The following RARB variants were observed in gnomAD, a reference collection of about 807,000 sequenced individuals.
RARB encodes retinoic acid receptor beta.
A neutral mutation model predicts 51.9 loss-of-function variants in RARB; 17 were observed. That is an observed-to-expected ratio of 0.33 (90% CI 0.22 to 0.49). The LOEUF (loss-of-function observed/expected upper bound fraction) is 0.49, where lower values mean the gene tolerates loss of function less well. Ranked by LOEUF, RARB falls within the 20% of genes least tolerant of loss-of-function variation. The pLI is 0.99. For missense variants in RARB, 369 were observed against 550.8 expected, an observed-to-expected ratio of 0.67 and a Z score of 3.30; for synonymous variants, 215 against 195.4, an observed-to-expected ratio of 1.10 and a Z score of -0.84.
At chr3:25,554,141 A>G (rs1034281662) in intron 3 of RARB, among the ~76,000 whole-genome samples, 13 of 150,630 alleles carry the variant, frequency 8.6e-5, no homozygotes, top group Non-Finnish European at 5.9e-5. Flanking sequence ...GGATTTCCCG[A>G]GAGAAAGTAT....
chr3:24,965,708 G>C (rs6550928), intron 2 of RARB, among the ~76,000 whole-genome samples: 2 of 152,098 alleles, frequency 1.3e-5, no homozygotes, highest in African/African-American at 4.8e-5. Flanking sequence ...ATGAAATGTT[G>C]AGAGGATGCC....
intron 2 of RARB, among the ~76,000 whole-genome samples, chr3:24,930,148 C>T (rs1230952485): frequency 6.6e-6 from 1 of 152,036 alleles, no homozygotes; most frequent in Non-Finnish European, 1.5e-5. Context: ...AAAGTAGAAA[C>T]AGGTCTATTA....
chr3:25,386,322 C>T (rs137994992), intron 5 of RARB, among the ~76,000 whole-genome samples: 205 of 152,080 alleles, frequency 1.3e-3, no homozygotes, highest in African/African-American at 4.2e-3. Context: ...GGGTGGGTCA[C>T]GCTGAGAAAT....
At chr3:25,341,245 T>G (rs1403043466) in intron 5 of RARB, among the ~76,000 whole-genome samples, 1 of 152,134 alleles carries the variant, frequency 6.6e-6, no homozygotes, top group African/African-American at 2.4e-5. Flanking sequence ...TCTGGAGTGC[T>G]CAAAAGAAAG....
intron 2 of RARB, among the ~76,000 whole-genome samples, chr3:24,957,161 C>T (rs1206037441): frequency 1.3e-5 from 2 of 152,100 alleles, no homozygotes; most frequent in Non-Finnish European, 2.9e-5. Context: ...CTAATGAGTG[C>T]CTCACTTCTG....
At chr3:25,069,180 C>A (rs1314994072) in intron 3 of RARB, among the ~76,000 whole-genome samples, 1 of 151,354 alleles carries the variant, frequency 6.6e-6, no homozygotes, top group Non-Finnish European at 1.5e-5. Context: ...AGAAAGCAAG[C>A]AATTAGGCTA....
intron 2 of RARB, among the ~76,000 whole-genome samples, chr3:24,881,949 A>G (rs1466260405): frequency 2.0e-5 from 3 of 152,172 alleles, no homozygotes; most frequent in African/African-American, 7.2e-5. Context: ...TCTTGGGAAA[A>G]CAGTTTTATG....
intron 5 of RARB, among the ~76,000 whole-genome samples, chr3:25,181,939 G>C (rs1471331061): frequency 6.6e-6 from 1 of 152,106 alleles, no homozygotes; most frequent in Non-Finnish European, 1.5e-5. Context: ...TCTGCATAGA[G>C]GGGCAAGCAT....
intron 4 of RARB, among the ~76,000 whole-genome samples, chr3:25,167,931 A>T (rs373159655): frequency 6.6e-6 from 1 of 152,226 alleles, no homozygotes; most frequent in African/African-American, 2.4e-5. Context: ...AAGAGTCCCA[A>T]ATAAAAAGCC....
At chr3:25,302,418 T>G (rs1287796388) in intron 5 of RARB, among the ~76,000 whole-genome samples, 3 of 152,196 alleles carry the variant, frequency 2.0e-5, no homozygotes, top group Non-Finnish European at 4.4e-5. Flanking sequence ...AATGGAATAT[T>G]ATTCAGCCAT....
intron 2 of RARB, among the ~76,000 whole-genome samples, chr3:25,038,614 C>T (rs1407458475): frequency 2.6e-5 from 4 of 152,106 alleles, no homozygotes; most frequent in East Asian, 1.9e-4. Context: ...TGCAATTTAG[C>T]ACACACAGTT....
chr3:24,992,583 T>C (rs188447383), intron 2 of RARB, among the ~76,000 whole-genome samples: 1 of 152,326 alleles, frequency 6.6e-6, no homozygotes, highest in East Asian at 1.9e-4. Flanking sequence ...ATGGCTTAAA[T>C]GGCAGAAAAG....
intron 5 of RARB, among the ~76,000 whole-genome samples, chr3:25,295,109 G>A (rs1194520649): frequency 1.3e-5 from 2 of 152,122 alleles, no homozygotes; most frequent in East Asian, 3.9e-4. Flanking sequence ...ATGCTAGAGG[G>A]GCAACATGGT....
chr3:24,960,464 C>T (rs1696114506), intron 2 of RARB, among the ~76,000 whole-genome samples: 2 of 152,182 alleles, frequency 1.3e-5, no homozygotes, highest in South Asian at 4.1e-4. Context: ...AGCAGACATC[C>T]TGCCAGTTTG....
intron 2 of RARB, among the ~76,000 whole-genome samples, chr3:24,974,487 C>T (rs1259176460): frequency 1.3e-5 from 2 of 152,000 alleles, no homozygotes; most frequent in African/African-American, 4.8e-5. Context: ...GTTCCGATGT[C>T]ATGGATGTTA....
intron 4 of RARB, among the ~76,000 whole-genome samples, chr3:25,168,027 T>C (rs1211811840): frequency 6.6e-6 from 1 of 152,164 alleles, no homozygotes; most frequent in Non-Finnish European, 1.5e-5. Context: ...TTTGACAAGG[T>C]TCAGCCATGG....
At chr3:25,496,170 G>GTA (rs1425149063) in intron 2 of RARB, among the ~76,000 whole-genome samples, 1 of 152,162 alleles carries the variant, frequency 6.6e-6, no homozygotes, top group East Asian at 1.9e-4. Context: ...AATTACAATT[G>GTA]ACTAACAGTT....
At chr3:24,989,230 G>A (rs115905529) in intron 2 of RARB, among the ~76,000 whole-genome samples, 429 of 152,282 alleles carry the variant, frequency 2.8e-3, no homozygotes, top group African/African-American at 9.7e-3. Flanking sequence ...AATCTATGTG[G>A]CAGGAATGCG....
At chr3:25,313,971 T>G (rs766154272) in intron 5 of RARB, among the ~76,000 whole-genome samples, 3 of 152,028 alleles carry the variant, frequency 2.0e-5, no homozygotes, top group Non-Finnish European at 4.4e-5. Flanking sequence ...CTTGGGCGGC[T>G]GAGGCAAGAG....
Sources: gnomAD v4.1 joint callset for allele counts (sites outside exome capture counted in the v4.1 genomes callset) on GRCh38, gnomAD v4.1.1 for gene constraint, MANE v1.5 for transcripts, NCBI Gene and HGNC (gene_info 2026-07-23, HGNC 2026-07-21) for gene names.